SLC22A9: variants seen among roughly 807,000 people sequenced by gnomAD.
SLC22A9 encodes the protein organic anion transporter 7.
In SLC22A9, 64 loss-of-function variants were observed where a neutral mutation model predicts 50.1. That is an observed-to-expected ratio of 1.28 (90% CI 1.04 to 1.57). SLC22A9 has a LOEUF of 1.57. Ranked by LOEUF, SLC22A9 falls within the 40% of genes most tolerant of loss-of-function variation. SLC22A9 has a pLI of 0.00. For synonymous variants in SLC22A9, 261 were observed against 242.5 expected (o/e 1.08, Z -0.71); for missense variants, 757 against 676.1 (o/e 1.12, Z -1.33).
chr11:63,395,473 C>T (rs1258726187), intron 6 of SLC22A9, among the ~76,000 whole-genome samples: 1 of 152,144 alleles, frequency 6.6e-6, no homozygotes, highest in South Asian at 2.1e-4. Flanking sequence ...CTGAGCTGCA[C>T]TGATTGTTAT....
chr11:63,403,979 A>T (rs1320648983), intron 6 of SLC22A9, among the ~76,000 whole-genome samples: 1 of 152,098 alleles, frequency 6.6e-6, no homozygotes, highest in Non-Finnish European at 1.5e-5. Context: ...CTGTATTTTC[A>T]GTTATGGGAT....
chr11:63,388,185 G>A (rs1312707497), intron 6 of SLC22A9, among the ~76,000 whole-genome samples: 4 of 152,074 alleles, frequency 2.6e-5, no homozygotes, highest in South Asian at 2.1e-4. Context: ...GATTACTCCA[G>A]CTAGGACTTC....
chr11:63,388,424 G>A (rs546563658), intron 6 of SLC22A9, among the ~76,000 whole-genome samples: 35 of 151,842 alleles, frequency 2.3e-4, no homozygotes, highest in Non-Finnish European at 4.1e-4. Flanking sequence ...AGCATCAGTG[G>A]ATATGATCAC....
At position 63,408,158 on chromosome 11, in the gene SLC22A9, G is replaced by T; in HGVS notation, c.1335G>T (p.Ala445=). The change falls in exon 8 of 10, where the codon GCG becomes GCT. Residue 445 remains alanine, a synonymous_variant. Transcript: ENST00000279178. ...TTTTGGCAACACTGGGCTTAGGAGC[G>T]TCTGCTCTTGCCAATACCCTTGCTT... ...REVLATLGLG[A]SALANTLAFA... 3.7e-6 allele frequency: 6 copies of T among 1,613,752 alleles called. 1 individual carries two copies. In the African/African-American group the frequency reaches 4.0e-5, roughly 11 times the overall value.
Position 63,406,627 on chromosome 11 carries a change from A to G in SLC22A9, c.1204A>G (p.Lys402Glu). 7 of 1,613,840 alleles carry G rather than the reference A, an allele frequency of 4.3e-6. No homozygotes were observed. In the Admixed American group the frequency reaches 1.0e-4, roughly 23 times the overall value. The change falls in exon 7 of 10, where the codon AAA becomes GAA. Residue 402 changes from lysine (K) to glutamate (E), a missense_variant. Physicochemically the swap from Lys to Glu is moderately conservative, Grantham distance 56. Coordinates refer to ENST00000279178, the MANE Select transcript of SLC22A9 (RefSeq NM_080866.3). ...LANCVAPWAL[K>E]YMNRRASQML... ...CAACTGTGTTGCACCTTGGGCACTG[A>G]AATACATGAACCGTCGAGCAAGCCA... is the stretch of plus-strand genomic sequence containing the variant.
At chr11:63,388,911 T>C (rs1177561682) in intron 6 of SLC22A9, among the ~76,000 whole-genome samples, 1 of 152,140 alleles carries the variant, frequency 6.6e-6, no homozygotes, top group Non-Finnish European at 1.5e-5. Flanking sequence ...GGTATGCTAT[T>C]CGTGTCTAGT....
At chr11:63,374,856 T>C (rs2014433122) in intron 4 of SLC22A9, among the ~76,000 whole-genome samples, 1 of 152,114 alleles carries the variant, frequency 6.6e-6, no homozygotes, top group Admixed American at 6.6e-5. Flanking sequence ...GCTGCATGGT[T>C]TCTTCAATTA....
chr11:63,402,550 T>C (rs973082538), intron 6 of SLC22A9, among the ~76,000 whole-genome samples: 5 of 152,088 alleles, frequency 3.3e-5, no homozygotes, highest in Non-Finnish European at 7.4e-5. Context: ...GGTAGTGTGA[T>C]GCCTCTCACT....
At chr11:63,393,738 T>A (rs536140107) in intron 6 of SLC22A9, among the ~76,000 whole-genome samples, 1 of 152,296 alleles carries the variant, frequency 6.6e-6, no homozygotes, top group African/African-American at 2.4e-5. Context: ...CATTTTTTCC[T>A]TCATTTCAAC....
chr11:63,371,310 A>T (rs757576074), intron 2 of SLC22A9, 72 bp downstream of exon 2: 3 of 1,196,026 alleles, frequency 2.5e-6, no homozygotes, highest in Non-Finnish European at 3.6e-6. Context: ...TTTCATCTAG[A>T]ATTACTTACT....
intron 5 of SLC22A9, among the ~76,000 whole-genome samples, chr11:63,379,482 C>G (rs960572744): frequency 1.1e-4 from 17 of 152,138 alleles, no homozygotes; most frequent in African/African-American, 4.1e-4. Context: ...ACTCCAAAAG[C>G]AATTGCCACA....
intron 6 of SLC22A9, among the ~76,000 whole-genome samples, chr11:63,398,188 T>C (rs1159583956): frequency 1.3e-5 from 2 of 152,160 alleles, no homozygotes; most frequent in Non-Finnish European, 2.9e-5. Context: ...ATCTGGGAGC[T>C]ACATCCTAGA....
intron 6 of SLC22A9, among the ~76,000 whole-genome samples, chr11:63,404,371 C>T (rs896202958): frequency 2.0e-5 from 3 of 152,012 alleles, no homozygotes; most frequent in Non-Finnish European, 4.4e-5. Flanking sequence ...ATGCAAGATG[C>T]AAATGTCTTG....
chr11:63,403,323 T>A lies in SLC22A9; in HGVS notation c.1074-3174T>A, dbSNP rs569504819. On this transcript the variant is annotated intron_variant, in intron 6 of 9. Transcript: ENST00000279178. The stretch of plus-strand genomic sequence containing the variant: ...TAGGCCAACAGAGAGTGGGATGATA[T>A]GTTCAGAGAGATGAAAAAATAAAAG... Among the ~76,000 whole-genome samples, 90 of 152,206 alleles carry A rather than the reference T, an allele frequency of 5.9e-4. 1 individual carries two copies. The highest frequency in any genetic ancestry group is 2.1e-3 in the African/African-American group (86 of 41,578).
chr11:63,380,983 T>C (rs1393609427), intron 5 of SLC22A9, among the ~76,000 whole-genome samples: 2 of 152,202 alleles, frequency 1.3e-5, no homozygotes, highest in Non-Finnish European at 2.9e-5. Context: ...GCATTGCTTA[T>C]GAAATGCAAT....
Position 63,396,195 on chromosome 11 carries a change from G to A in SLC22A9, c.1074-10302G>A, listed in dbSNP as rs149406028. On this transcript the variant is annotated intron_variant, in intron 6 of 9. Transcript: ENST00000279178. Reference sequence around the variant, plus strand: ...CCTGTGGAGTCTGCAGGCCAAATTCGCACTCTCTCCCAAGTTCTGGCCAGG... The same window carrying A: ...CCTGTGGAGTCTGCAGGCCAAATTCACACTCTCTCCCAAGTTCTGGCCAGG... Among the ~76,000 whole-genome samples, 177 of 152,194 alleles carry A rather than the reference G, an allele frequency of 1.2e-3. 1 individual carries two copies. The highest frequency in any genetic ancestry group is 3.7e-3 in the African/African-American group (155 of 41,524).
At position 63,387,031 on chromosome 11, in the gene SLC22A9, A is replaced by G. The variant is rs183729197; in HGVS notation, c.1073+4754A>G. On this transcript the variant is annotated intron_variant, in intron 6 of 9. Transcript: ENST00000279178. ...TTCTAGCTTTTTGATGTGGGCACTT[A>G]GTGCTATAAATTTCCCTCTTAACAC... 2.0e-4 allele frequency among the ~76,000 whole-genome samples: 31 copies of G among 152,126 alleles called. 1 individual carries two copies. Among genetic ancestry groups the G allele is most frequent in the Admixed American group, 1.8e-3 (28 of 15,262 alleles).
chr11:63,409,551 C>T (rs750046642), intron 9 of SLC22A9, among the ~76,000 whole-genome samples: 1 of 152,180 alleles, frequency 6.6e-6, no homozygotes, highest in South Asian at 2.1e-4. Context: ...GGGCCATAGG[C>T]TGGACAAGCT....
At position 63,408,212 on chromosome 11, in the gene SLC22A9, C is replaced by G. The variant is rs1350542880; in HGVS notation, c.1389C>G (p.Thr463=). Residue 463 remains threonine (T), a synonymous_variant, in exon 8 of 10, where the codon ACC becomes ACG. Coordinates refer to ENST00000279178, the MANE Select transcript of SLC22A9 (RefSeq NM_080866.3). ...CCCATGGAAATGAAGTAATTCCCAC[C>G]ATAATCAGGTACAGAACCTTAAGTA... is the stretch of plus-strand genomic sequence containing the variant. The part of the protein sequence containing the change: ...AFAHGNEVIP[T]IIRARAMGIN... 4 of 1,613,120 alleles carry G rather than the reference C, an allele frequency of 2.5e-6. No individual in the cohort carries two copies. Among genetic ancestry groups the G allele is most frequent in the Non-Finnish European group, 3.4e-6 (4 of 1,179,226 alleles).
Sources: gnomAD v4.1 joint callset for allele counts (sites outside exome capture counted in the v4.1 genomes callset) on GRCh38, gnomAD v4.1.1 for gene constraint, MANE v1.5 for transcripts, NCBI Gene and HGNC (gene_info 2026-07-23, HGNC 2026-07-21) for gene names.